Variants in MCF2 observed in about 807,000 individuals in gnomAD.
The protein encoded by MCF2 is MCF.2 cell line derived transforming sequence, also known as proto-oncogene DBL.
Under a neutral mutation model 82.5 loss-of-function variants are expected in MCF2, and 44 were observed. The observed-to-expected ratio is 0.53, with a 90% CI of 0.42 to 0.69. The LOEUF is 0.69. Ranked by LOEUF, MCF2 falls within the 30% of genes least tolerant of loss-of-function variation. MCF2 has a pLI of 0.00. For synonymous variants in MCF2, 217 were observed against 224.9 expected, an observed-to-expected ratio of 0.96 and a Z score of 0.32; for missense variants, 623 against 663.1, an observed-to-expected ratio of 0.94 and a Z score of 0.66.
intron 24 of MCF2, among the ~76,000 whole-genome samples, chrX:139,584,128 CTTTTTTT>C (rs1163854425): frequency 2.8e-5 from 2 of 72,645 alleles, no homozygotes; most frequent in Non-Finnish European, 2.5e-5. Flanking sequence ...TGCCATTATC[CTTTTTTT>C]TTTTTTTTTT....
At chrX:139,604,566 T>G (rs1706166474) in intron 15 of MCF2, 115 bp downstream of exon 19, 9 of 445,735 alleles carry the variant, frequency 2.0e-5, no homozygotes, top group Non-Finnish European at 2.2e-5. Flanking sequence ...TAATGTGTCC[T>G]CTCCAAAAAC....
chrX:139,665,897 GTATATATATATA>G lies in MCF2; in HGVS notation c.-44-14121_-44-14110del, dbSNP rs761065038. ...TTATGGGTACATGGTAGGTGTGTGT[GTATATATATATA>G]TATATATATATATATATACACACAC... On this transcript the variant is annotated intron_variant, in intron 1 of 27. Coordinates refer to the MCF2 transcript ENST00000414978. Among the ~76,000 whole-genome samples the G allele has an allele frequency of 1.2e-4, 8 of 68,555 alleles. No individual in the cohort carries two copies. In the East Asian group the frequency reaches 2.1e-3, roughly 18 times the overall value. The allele number at this position is 68,555 out of a possible 115,157, so 59.5% of individuals were successfully genotyped here.
chrX:139,672,954 T>C (rs1934746217), intron 1 of MCF2, among the ~76,000 whole-genome samples: 1 of 111,735 alleles, frequency 8.9e-6, no homozygotes, highest in Non-Finnish European at 1.9e-5. Flanking sequence ...CTGGACTCTT[T>C]TTTGTTCGTA....
At chrX:139,655,239 A>T (rs1324367146) in intron 1 of MCF2, among the ~76,000 whole-genome samples, 1 of 112,300 alleles carries the variant, frequency 8.9e-6, no homozygotes, top group Non-Finnish European at 1.9e-5. Flanking sequence ...TAGAATTGTC[A>T]TTTTAACAAT....
At chrX:139,696,249 G>A (rs1225670593) in intron 1 of MCF2, among the ~76,000 whole-genome samples, 3 of 109,155 alleles carry the variant, frequency 2.7e-5, no homozygotes, top group Non-Finnish European at 5.7e-5. Context: ...TGAGTAAGAG[G>A]GAATACCCTC....
At chrX:139,610,337 C>G in exon 11 of MCF2, 3 of 1,168,831 alleles carry the variant, frequency 2.6e-6, no homozygotes. Context: ...AAGTCTTCTT[C>G]CCTGGTAGAG....
At chrX:139,635,791 G>A (rs373100384) in intron 1 of MCF2, among the ~76,000 whole-genome samples, 2 of 111,362 alleles carry the variant, frequency 1.8e-5, no homozygotes, top group Admixed American at 9.6e-5. Flanking sequence ...GTGTCACAGT[G>A]GGGGTTGTTG....
intron 1 of MCF2, among the ~76,000 whole-genome samples, chrX:139,656,037 G>T: frequency 8.9e-6 from 1 of 111,780 alleles, no homozygotes; most frequent in South Asian, 3.7e-4. Context: ...TACAGTAAAT[G>T]CTGTTTTTTT....
At chrX:139,594,580 A>T (rs1929865085) in intron 19 of MCF2, among the ~76,000 whole-genome samples, 2 of 111,662 alleles carry the variant, frequency 1.8e-5, no homozygotes, top group Non-Finnish European at 3.8e-5. Context: ...TTAATTCAAG[A>T]TGGATTGAAG....
chrX:139,597,364 T>C, intron 18 of MCF2, 96 bp downstream of exon 22: 1 of 648,673 alleles, frequency 1.5e-6, no homozygotes, highest in Non-Finnish European at 2.5e-6. Flanking sequence ...AGTTATCTGA[T>C]TCTTATACGT....
chrX:139,595,759 A>T (rs868377252), intron 19 of MCF2, among the ~76,000 whole-genome samples: 4 of 110,665 alleles, frequency 3.6e-5, no homozygotes, highest in African/African-American at 6.5e-5. Flanking sequence ...AAAATAAAAA[A>T]AAATTTAAAA....
intron 1 of MCF2, among the ~76,000 whole-genome samples, chrX:139,666,612 C>A (rs1488865055): frequency 2.7e-5 from 3 of 111,028 alleles, no homozygotes; most frequent in Non-Finnish European, 5.7e-5. Context: ...GGTGACTAGA[C>A]ACTTTTCTTT....
chrX:139,677,300 C>A (rs771131218), intron 1 of MCF2, among the ~76,000 whole-genome samples: 1 of 111,450 alleles, frequency 9.0e-6, no homozygotes, highest in African/African-American at 3.3e-5. Flanking sequence ...ATATAAAACC[C>A]CAAGACCAAA....
intron 24 of MCF2, among the ~76,000 whole-genome samples, chrX:139,583,009 C>A (rs1463216579): frequency 9.0e-6 from 1 of 111,534 alleles, no homozygotes; most frequent in Non-Finnish European, 1.9e-5. Flanking sequence ...TTCCTGAGAC[C>A]CTTTCAAGGG....
intron 20 of MCF2, among the ~76,000 whole-genome samples, chrX:139,589,229 A>G (rs2082653754): frequency 8.9e-6 from 1 of 111,966 alleles, no homozygotes; most frequent in African/African-American, 3.2e-5. Context: ...AGCCAAGAAA[A>G]CATATTTTTA....
intron 1 of MCF2, among the ~76,000 whole-genome samples, chrX:139,689,774 T>A (rs1044862170): frequency 3.6e-5 from 4 of 109,849 alleles, no homozygotes; most frequent in African/African-American, 1.3e-4. Flanking sequence ...ACTCTCTCCA[T>A]CAAGTCTTCC....
chrX:139,607,393 T>C (rs781253651), intron 12 of MCF2: 21 of 145,724 alleles, frequency 1.4e-4, no homozygotes, highest in Non-Finnish European at 2.4e-4. Flanking sequence ...TGTACAATGA[T>C]TATGTGTCAA....
rs957423265 is a variant in MCF2 at position 139,675,446 on chromosome X, C to A, written c.-44-23658G>T. ...TCCCCATCTTTGTGGTTTTATCTAC[C>A]TTTAGTCTTTAATGTTGGTGACCTA... On this transcript the variant is annotated intron_variant, in intron 1 of 27. Coordinates refer to the MCF2 transcript ENST00000414978. Among the ~76,000 whole-genome samples the A allele has an allele frequency of 2.0e-4, 23 of 112,391 alleles. 1 individual carries two copies. The highest frequency in any genetic ancestry group is 1.5e-3 in the South Asian group (4 of 2,710).
At chrX:139,603,851 A>G (rs1414428071) in intron 15 of MCF2, among the ~76,000 whole-genome samples, 6 of 111,190 alleles carry the variant, frequency 5.4e-5, no homozygotes, top group African/African-American at 1.3e-4. Context: ...AAATAAAAAA[A>G]TAAAATAAAT....
Sources: gnomAD v4.1 joint callset for allele counts (sites outside exome capture counted in the v4.1 genomes callset) on GRCh38, gnomAD v4.1.1 for gene constraint, MANE v1.5 for transcripts, NCBI Gene and HGNC (gene_info 2026-07-23, HGNC 2026-07-21) for gene names.